GRIK4: variants seen among roughly 807,000 people sequenced by gnomAD.
GRIK4 encodes the protein glutamate receptor ionotropic, kainate 4.
In GRIK4, 40 loss-of-function variants were observed where a neutral mutation model predicts 104.9. That is an observed-to-expected ratio of 0.38 (90% CI 0.30 to 0.50). The LOEUF (loss-of-function observed/expected upper bound fraction) is 0.50. GRIK4 is among the 20% of genes least tolerant of loss of function. GRIK4 has a pLI of 0.93. For missense variants in GRIK4, 1,047 were observed against 1,308.1 expected, an observed-to-expected ratio of 0.80 and a Z score of 3.08; for synonymous variants, 485 against 524.9, an observed-to-expected ratio of 0.92 and a Z score of 1.04.
intron 1 of GRIK4, among the ~76,000 whole-genome samples, chr11:120,552,305 A>AC (rs1264814300): frequency 2.6e-5 from 4 of 151,272 alleles, no homozygotes; most frequent in African/African-American, 9.7e-5. Flanking sequence ...GGTGGGGAGA[A>AC]CCCCCCACCC....
intron 11 of GRIK4, 67 bp downstream of exon 11, chr11:120,875,310 G>A: frequency 9.8e-7 from 1 of 1,016,238 alleles, no homozygotes; most frequent in Non-Finnish European, 1.6e-6. Context: ...ATGCCTCGGT[G>A]TTTTGGATGG....
rs1195692610 is a variant in GRIK4 at position 120,984,553 on chromosome 11, G to A, written c.2515-1351G>A. ...GGAGGCCGAGGCAGGTGAATCATGA[G>A]GTCGGCAGTTCAAGACCAGCCTGGC... On this transcript the variant is annotated intron_variant, in intron 20 of 20. Transcript: ENST00000527524. 2.0e-5 allele frequency among the ~76,000 whole-genome samples: 3 copies of A among 152,084 alleles called. No individual in the cohort carries two copies. In the East Asian group the frequency reaches 5.8e-4, roughly 30 times the overall value.
At chr11:120,711,604 A>T (rs1950735812) in intron 3 of GRIK4, among the ~76,000 whole-genome samples, 2 of 152,206 alleles carry the variant, frequency 1.3e-5, no homozygotes, top group Admixed American at 6.5e-5. Flanking sequence ...GGCCTCCAAG[A>T]TCCTAACCAA....
Position 120,698,585 on chromosome 11 carries a change from T to C in GRIK4, c.82+38185T>C, listed in dbSNP as rs572429864. 2.2e-4 allele frequency among the ~76,000 whole-genome samples: 34 copies of C among 152,382 alleles called. 1 individual carries two copies. Among genetic ancestry groups the C allele is most frequent in the Admixed American group, 2.0e-3 (31 of 15,310 alleles). ...CTCTTAGTAATGTTCACAATACCCT[T>C]ATGCCTCACCTTTGTTCTGTCCTTC... On this transcript the variant is annotated intron_variant, in intron 3 of 20. Transcript: ENST00000527524.
intron 8 of GRIK4, among the ~76,000 whole-genome samples, chr11:120,861,078 T>A (rs887482821): frequency 5.4e-5 from 8 of 148,076 alleles, no homozygotes; most frequent in Non-Finnish European, 1.2e-4. Context: ...TTAGGTAGGG[T>A]TCAGAAATCA....
intron 1 of GRIK4, among the ~76,000 whole-genome samples, chr11:120,530,305 C>CCAGGGGATA (rs1268446487): frequency 1.3e-4 from 20 of 152,154 alleles, no homozygotes; most frequent in African/African-American, 4.6e-4. Flanking sequence ...TGGGGAGAGG[C>CCAGGGGATA]TCCAGGGGAA....
intron 3 of GRIK4, among the ~76,000 whole-genome samples, chr11:120,676,745 A>G (rs1255073472): frequency 6.6e-6 from 1 of 152,224 alleles, no homozygotes; most frequent in African/African-American, 2.4e-5. Flanking sequence ...GCACTGCCAC[A>G]TTAGGGATAA....
intron 1 of GRIK4, among the ~76,000 whole-genome samples, chr11:120,619,780 C>G (rs1365373956): frequency 2.0e-5 from 3 of 152,128 alleles, no homozygotes; most frequent in Non-Finnish European, 4.4e-5. Context: ...CTGAGGCCTC[C>G]CTAGAAGCAG....
intron 3 of GRIK4, among the ~76,000 whole-genome samples, chr11:120,760,016 T>TGTG (rs1555056851): frequency 6.6e-6 from 1 of 151,912 alleles, no homozygotes; most frequent in Admixed American, 6.6e-5. Flanking sequence ...TATAACACAC[T>TGTG]TTATATTAGA....
chr11:120,703,809 C>G (rs1467003374), intron 3 of GRIK4, among the ~76,000 whole-genome samples: 1 of 152,102 alleles, frequency 6.6e-6, no homozygotes, highest in Non-Finnish European at 1.5e-5. Context: ...TTTATAAACT[C>G]CTGGAGGCAG....
In GRIK4 at chr11:120,986,534, T is replaced by G; in HGVS notation, c.*274T>G. 2.3e-6 allele frequency: 1 copy of G among 429,174 alleles called. No individual in the cohort carries two copies. The highest frequency in any genetic ancestry group is 4.1e-6 in the Non-Finnish European group (1 of 245,088). 26.6% of individuals were successfully genotyped at this position (429,174 alleles called of 1,614,324 possible). On this transcript the variant is annotated 3_prime_UTR_variant, in exon 21 of 21. Coordinates refer to ENST00000527524, the MANE Select transcript of GRIK4 (RefSeq NM_014619.5). The stretch of plus-strand genomic sequence containing the variant: ...GGACCCATCTTCTCCCAGTGGGTCT[T>G]TCCCTCTCGCCAAAATAACAAGAGT...
intron 14 of GRIK4, among the ~76,000 whole-genome samples, chr11:120,944,987 G>T (rs986916152): frequency 1.3e-5 from 2 of 151,476 alleles, no homozygotes; most frequent in African/African-American, 4.9e-5. Context: ...TTGCAGCCTG[G>T]GTGTTGGTTT....
At chr11:120,605,028 A>G (rs745562099) in intron 1 of GRIK4, among the ~76,000 whole-genome samples, 3 of 152,136 alleles carry the variant, frequency 2.0e-5, no homozygotes, top group Non-Finnish European at 4.4e-5. Flanking sequence ...GTACCTGCCT[A>G]ATTTTTAATG....
rs144955381 is a variant in GRIK4, at chr11:120,777,526, C to T, written c.83-25167C>T. 2.7e-3 allele frequency among the ~76,000 whole-genome samples: 404 copies of T among 152,326 alleles called. 1 individual carries two copies. The highest frequency in any genetic ancestry group is 9.2e-3 in the African/African-American group (384 of 41,578). ...CCCGGCACGGGGTTGGGGCTGGGGG[C>T]ACAGCAGTAAACAAAACAGACACAA... On this transcript the variant is annotated intron_variant, in intron 3 of 20. Transcript: ENST00000527524.
At chr11:120,926,111 G>C (rs1943340967) in intron 13 of GRIK4, among the ~76,000 whole-genome samples, 1 of 152,218 alleles carries the variant, frequency 6.6e-6, no homozygotes. Context: ...AGTCAGGTGT[G>C]ATGGTGGTGG....
At chr11:120,794,304 AG>A (rs1369237084) in intron 3 of GRIK4, among the ~76,000 whole-genome samples, 1 of 150,080 alleles carries the variant, frequency 6.7e-6, no homozygotes, top group Non-Finnish European at 1.5e-5. Context: ...TTGGAGGGGA[AG>A]GGTGGTGTTA....
intron 1 of GRIK4, among the ~76,000 whole-genome samples, chr11:120,537,837 A>G (rs1947993407): frequency 6.6e-6 from 1 of 151,860 alleles, no homozygotes; most frequent in East Asian, 1.9e-4. Flanking sequence ...TGGAACACAT[A>G]CTTGTTTGTT....
chr11:120,625,103 C>T (rs1389706147), intron 1 of GRIK4, among the ~76,000 whole-genome samples: 3 of 152,056 alleles, frequency 2.0e-5, no homozygotes, highest in African/African-American at 7.3e-5. Context: ...GGTAAAACCC[C>T]GTCTCTACTA....
chr11:120,802,667 G>A (rs1400761041), intron 3 of GRIK4, 26 bp from the exon 4 acceptor site: 2 of 1,603,914 alleles, frequency 1.2e-6, no homozygotes, highest in East Asian at 2.2e-5. Flanking sequence ...AGTACCAATT[G>A]TCTCCATGTG....
Sources: allele counts gnomAD v4.1 joint callset (sites outside exome capture counted in the v4.1 genomes callset), GRCh38; gene constraint gnomAD v4.1.1; transcripts MANE v1.5; gene names NCBI Gene and HGNC (gene_info 2026-07-23, HGNC 2026-07-21).